The following TAFA1 variants were observed in gnomAD, a reference collection of about 807,000 sequenced individuals.
TAFA1 encodes chemokine-like protein TAFA-1.
Under a neutral mutation model 18.5 loss-of-function variants are expected in TAFA1, and 4 were observed. The ratio of observed to expected loss-of-function variants is 0.22; its 90% CI spans 0.11 to 0.49. The LOEUF is 0.49. Among genes scored for constraint, TAFA1 ranks in the 20% least tolerant of loss-of-function variants. The pLI is 0.98. For synonymous variants in TAFA1, 56 were observed against 55.2 expected (o/e 1.01, Z -0.06); for missense variants, 147 against 169.0 (o/e 0.87, Z 0.72).
chr3:68,310,737 T>A (rs542539727), intron 2 of TAFA1, among the ~76,000 whole-genome samples: 1 of 152,240 alleles, frequency 6.6e-6, no homozygotes, highest in South Asian at 2.1e-4. Flanking sequence ...GCTGTTTATA[T>A]TTGAAATGAG....
At chr3:68,171,815 A>G (rs116335015) in intron 2 of TAFA1, among the ~76,000 whole-genome samples, 4 of 152,298 alleles carry the variant, frequency 2.6e-5, no homozygotes, top group Non-Finnish European at 5.9e-5. Context: ...AAAAAAATCA[A>G]TGGCAAATCA....
intron 3 of TAFA1, among the ~76,000 whole-genome samples, chr3:68,444,070 C>T (rs1214952875): frequency 1.3e-5 from 2 of 152,190 alleles, no homozygotes; most frequent in African/African-American, 4.8e-5. Context: ...CCTGTCTCTA[C>T]AGCCTCGACA....
In TAFA1 at chr3:68,450,269, G is replaced by A. The variant is rs549920290; in HGVS notation, c.259+32849G>A. 2.4e-4 allele frequency among the ~76,000 whole-genome samples: 36 copies of A among 152,332 alleles called. No homozygotes were observed. The East Asian group carries it at 5.4e-3, about 23-fold the overall frequency. ...CTGTTTATGATTCATTCAACTAAAA[G>A]ACTAGGAAAGGAAAGGCAGATTTAG... is the stretch of plus-strand genomic sequence containing the variant. On this transcript the variant is annotated intron_variant, in intron 3 of 4. Transcript: ENST00000478136.
intron 2 of TAFA1, among the ~76,000 whole-genome samples, chr3:68,362,192 C>G (rs1575805400): frequency 6.6e-6 from 1 of 152,094 alleles, no homozygotes; most frequent in Admixed American, 6.6e-5. Context: ...CTGTGCCATG[C>G]TGGTTTCTGA....
At chr3:68,132,117 G>C (rs764083057) in intron 2 of TAFA1, among the ~76,000 whole-genome samples, 22 of 152,260 alleles carry the variant, frequency 1.4e-4, no homozygotes, top group Non-Finnish European at 2.6e-4. Flanking sequence ...ACTTATGAGT[G>C]AGAACAAGTG....
chr3:68,029,909 G>T (rs1012187449), intron 2 of TAFA1, among the ~76,000 whole-genome samples: 1 of 152,102 alleles, frequency 6.6e-6, no homozygotes, highest in Non-Finnish European at 1.5e-5. Flanking sequence ...GGTATGGGAC[G>T]ATAGTTAAGA....
chr3:68,426,955 T>C (rs1313458700), intron 3 of TAFA1, among the ~76,000 whole-genome samples: 6 of 151,902 alleles, frequency 3.9e-5, no homozygotes, highest in Admixed American at 3.9e-4. Context: ...TATACTTGGA[T>C]TAATGTAGCA....
chr3:68,529,818 A>C (rs767474424), intron 3 of TAFA1, among the ~76,000 whole-genome samples: 13 of 152,206 alleles, frequency 8.5e-5, no homozygotes, highest in African/African-American at 1.2e-4. Flanking sequence ...TGTTCATGAG[A>C]GATCCACCCG....
intron 2 of TAFA1, among the ~76,000 whole-genome samples, chr3:68,195,199 T>A (rs1293093310): frequency 6.6e-6 from 1 of 151,200 alleles, no homozygotes; most frequent in African/African-American, 2.4e-5. Context: ...TGTGCATTTG[T>A]TTAAATATAA....
chr3:68,118,689 T>C (rs1235595357), intron 2 of TAFA1, among the ~76,000 whole-genome samples: 1 of 152,228 alleles, frequency 6.6e-6, no homozygotes, highest in Non-Finnish European at 1.5e-5. Flanking sequence ...ATCCATGTTG[T>C]TACATATAGC....
intron 2 of TAFA1, among the ~76,000 whole-genome samples, chr3:68,061,227 T>C (rs1224219712): frequency 6.6e-6 from 1 of 152,222 alleles, no homozygotes. Context: ...TAGAAGACTT[T>C]GAAAAGGAGA....
chr3:68,399,902 C>A (rs2070455992), intron 2 of TAFA1, among the ~76,000 whole-genome samples: 1 of 152,182 alleles, frequency 6.6e-6, no homozygotes, highest in Non-Finnish European at 1.5e-5. Context: ...GGGCTGGGTT[C>A]ATCTATACCG....
At chr3:68,112,608 A>G (rs1204232026) in intron 2 of TAFA1, among the ~76,000 whole-genome samples, 2 of 152,128 alleles carry the variant, frequency 1.3e-5, no homozygotes, top group Non-Finnish European at 1.5e-5. Context: ...TTATTTTTTA[A>G]TGTTGTATCC....
At chr3:68,036,197 T>C (rs571800134) in intron 2 of TAFA1, among the ~76,000 whole-genome samples, 1 of 152,224 alleles carries the variant, frequency 6.6e-6, no homozygotes, top group East Asian at 1.9e-4. Flanking sequence ...TTCTAGCACT[T>C]TGGGAGGCCA....
chr3:68,092,707 C>T (rs1224454261), intron 2 of TAFA1, among the ~76,000 whole-genome samples: 1 of 152,136 alleles, frequency 6.6e-6, no homozygotes, highest in Non-Finnish European at 1.5e-5. Context: ...ACAAACAGCT[C>T]TCAGAAGTCA....
intron 2 of TAFA1, among the ~76,000 whole-genome samples, chr3:68,040,612 G>T (rs1006134774): frequency 2.0e-5 from 3 of 152,164 alleles, no homozygotes; most frequent in Non-Finnish European, 4.4e-5. Context: ...TAGTCCAGTG[G>T]CTCAGGAAGT....
intron 4 of TAFA1, among the ~76,000 whole-genome samples, chr3:68,542,314 A>T (rs1439642372): frequency 2.0e-5 from 3 of 152,086 alleles, no homozygotes; most frequent in Admixed American, 2.0e-4. Context: ...CTGCTTGATC[A>T]TTGCTTCAAT....
At chr3:68,178,031 C>T (rs1219955284) in intron 2 of TAFA1, among the ~76,000 whole-genome samples, 1 of 151,950 alleles carries the variant, frequency 6.6e-6, no homozygotes, top group African/African-American at 2.4e-5. Context: ...ATAGTCCCAG[C>T]TACTCGGGAG....
At chr3:68,048,620 A>G (rs1370516379) in intron 2 of TAFA1, among the ~76,000 whole-genome samples, 1 of 151,990 alleles carries the variant, frequency 6.6e-6, no homozygotes, top group African/African-American at 2.4e-5. Context: ...TAGCCTTCCC[A>G]GCCTCCGGTA....
Sources: gnomAD v4.1 joint callset for allele counts (sites outside exome capture counted in the v4.1 genomes callset) on GRCh38, gnomAD v4.1.1 for gene constraint, MANE v1.5 for transcripts, NCBI Gene and HGNC (gene_info 2026-07-23, HGNC 2026-07-21) for gene names.